Variants in DENND1A observed in about 807,000 individuals in gnomAD.
DENND1A encodes DENN domain-containing protein 1A.
Under a neutral mutation model 113.7 loss-of-function variants are expected in DENND1A, and 51 were observed. That is an observed-to-expected ratio of 0.45 (90% CI 0.36 to 0.57). DENND1A has a LOEUF of 0.57. Among genes scored for constraint, DENND1A ranks in the 20% least tolerant of loss-of-function variants. The pLI, the probability that DENND1A is intolerant of heterozygous loss-of-function variation, is 0.00. For missense variants in DENND1A, 1,258 were observed against 1,395.9 expected (o/e 0.90, Z 1.57); for synonymous variants, 565 against 570.8 (o/e 0.99, Z 0.14).
intron 12 of DENND1A, among the ~76,000 whole-genome samples, chr9:123,574,190 TTGTTTG>T (rs2058511326): frequency 6.7e-6 from 1 of 148,796 alleles, no homozygotes; most frequent in African/African-American, 2.4e-5. Flanking sequence ...TTTTTTTTTT[TTGTTTG>T]TAAATTATTT....
At chr9:123,708,142 CA>C (rs763684382) in intron 5 of DENND1A, among the ~76,000 whole-genome samples, 4 of 148,624 alleles carry the variant, frequency 2.7e-5, no homozygotes, top group South Asian at 4.3e-4. Flanking sequence ...ATAGCAAAAA[CA>C]AAAAAAAAGA....
chr9:123,466,221 T>G (rs1300875283), intron 13 of DENND1A, among the ~76,000 whole-genome samples: 2 of 151,706 alleles, frequency 1.3e-5, no homozygotes, highest in South Asian at 4.2e-4. Flanking sequence ...ATGGTCTCCA[T>G]CTCCTAACCT....
chr9:123,458,434 A>G (rs1326833932), intron 13 of DENND1A, among the ~76,000 whole-genome samples: 1 of 152,124 alleles, frequency 6.6e-6, no homozygotes, highest in Non-Finnish European at 1.5e-5. Context: ...CAAGAAATTC[A>G]TTTTCTTTTA....
At chr9:123,439,338 G>C (rs1004555716) in intron 19 of DENND1A, among the ~76,000 whole-genome samples, 1 of 152,226 alleles carries the variant, frequency 6.6e-6, no homozygotes, top group East Asian at 1.9e-4. Context: ...ATATTGATTA[G>C]AGAAGAGTGA....
chr9:123,567,930 C>T (rs1203463514), intron 12 of DENND1A, among the ~76,000 whole-genome samples: 1 of 152,210 alleles, frequency 6.6e-6, no homozygotes, highest in African/African-American at 2.4e-5. Context: ...CAGTAGGTTG[C>T]TTGGGGCACT....
At chr9:123,701,639 C>T (rs1038309842) in intron 5 of DENND1A, among the ~76,000 whole-genome samples, 2 of 152,180 alleles carry the variant, frequency 1.3e-5, no homozygotes, top group Non-Finnish European at 2.9e-5. Context: ...CTACAGTGGC[C>T]TTAGGCTATG....
chr9:123,775,464 T>C (rs1830326664), intron 3 of DENND1A, among the ~76,000 whole-genome samples: 1 of 151,976 alleles, frequency 6.6e-6, no homozygotes, highest in African/African-American at 2.4e-5. Context: ...ACAGTAAAAC[T>C]GCAAACATGA....
intron 11 of DENND1A, among the ~76,000 whole-genome samples, chr9:123,601,001 C>G (rs1000690654): frequency 2.6e-5 from 4 of 152,194 alleles, no homozygotes; most frequent in African/African-American, 9.7e-5. Flanking sequence ...TCAGGCTTCT[C>G]TTGGTAACAA....
intron 11 of DENND1A, among the ~76,000 whole-genome samples, chr9:123,609,014 C>T (rs944930646): frequency 1.3e-5 from 2 of 152,180 alleles, no homozygotes; most frequent in Non-Finnish European, 2.9e-5. Flanking sequence ...ATGGTTCAAT[C>T]TGGAATAATG....
intron 3 of DENND1A, among the ~76,000 whole-genome samples, chr9:123,785,509 T>A (rs903274302): frequency 1.3e-5 from 2 of 152,146 alleles, no homozygotes; most frequent in Admixed American, 6.5e-5. Flanking sequence ...TACCTATCTA[T>A]GAACCTATAC....
chr9:123,593,982 G>A (rs1351725079), intron 11 of DENND1A, among the ~76,000 whole-genome samples: 1 of 152,120 alleles, frequency 6.6e-6, no homozygotes, highest in Non-Finnish European at 1.5e-5. Flanking sequence ...TGGCCATGTG[G>A]GATGTGCCAG....
chr9:123,694,252 C>T (rs930294041), intron 5 of DENND1A, among the ~76,000 whole-genome samples: 1 of 152,128 alleles, frequency 6.6e-6, no homozygotes, highest in African/African-American at 2.4e-5. Flanking sequence ...CAAGCTCTCT[C>T]CTAGCTAAGA....
intron 13 of DENND1A, among the ~76,000 whole-genome samples, chr9:123,526,888 G>A (rs1172704100): frequency 3.3e-5 from 5 of 151,990 alleles, no homozygotes; most frequent in African/African-American, 7.3e-5. Context: ...ACTCAAATCC[G>A]TATCTTCATC....
chr9:123,543,373 T>A (rs763291402), intron 13 of DENND1A, among the ~76,000 whole-genome samples: 1 of 152,262 alleles, frequency 6.6e-6, no homozygotes, highest in Non-Finnish European at 1.5e-5. Flanking sequence ...ACATTGTTAA[T>A]GTATTTAAAA....
intron 2 of DENND1A, among the ~76,000 whole-genome samples, chr9:123,832,291 G>A (rs1438530266): frequency 6.6e-6 from 1 of 152,098 alleles, no homozygotes; most frequent in Non-Finnish European, 1.5e-5. Flanking sequence ...AACTTCATGG[G>A]TAATCAGGAA....
chr9:123,401,722 C>A, intron 21 of DENND1A: 1 of 1,596,556 alleles, frequency 6.3e-7, no homozygotes, highest in Non-Finnish European at 8.6e-7. Context: ...AGGTGATAAG[C>A]AGGAAAATGG....
In DENND1A at chr9:123,381,524, T is replaced by G; in HGVS notation, c.3121A>C (p.Lys1041Gln). ...ARDPFEDLLQ[K>Q]TKQDVSPSPA... is the part of the protein sequence containing the mutation. The stretch of plus-strand genomic sequence containing the variant: ...CTCGGGCTCACGTCTTGCTTGGTTT[T>G]CTGTAACAAATCCTCAAAGGGGTCT... Residue 1041 changes from lysine (K) to glutamine (Q), a missense_variant, in exon 24 of 24, where the codon AAA (lysine) becomes CAA (glutamine). Physicochemically the swap from Lys to Gln is moderately conservative, Grantham distance 53. Coordinates refer to ENST00000394215, the MANE Select transcript of DENND1A (RefSeq NM_001352964.2). This position sits in a 1 kb window ranked among gnomAD's most constrained non-coding sequence, Gnocchi z 4.7. The G allele has an allele frequency of 6.2e-7, 1 of 1,613,646 alleles. No individual in the cohort carries two copies. The highest frequency in any genetic ancestry group is 2.2e-5 in the East Asian group (1 of 44,826).
At position 123,457,865 on chromosome 9, in the gene DENND1A, G is replaced by A. The variant is rs770150522; in HGVS notation, c.1026C>T (p.Phe342=). 4.3e-6 allele frequency: 7 copies of A among 1,612,580 alleles called. No individual in the cohort carries two copies. The highest frequency in any genetic ancestry group is 1.3e-5 in the African/African-American group (1 of 74,994). The change falls in exon 14 of 24, where the codon TTC becomes TTT. Residue 342 remains phenylalanine, a synonymous_variant. Coordinates refer to ENST00000394215, the MANE Select transcript of DENND1A (RefSeq NM_001352964.2). ...TGGCTCCGGAGCGGTAGTGGGACAC[G>A]AAGGCTTCCTCACAGAAAGTGATCG... is the stretch of plus-strand genomic sequence containing the variant. ...EEPITFCEEA[F]VSHYRSGAMR...
At position 123,413,365 on chromosome 9, in the gene DENND1A, G is replaced by C. The variant is rs80023127; in HGVS notation, c.1489-1536C>G. 2,303 of 956,288 alleles carry C rather than the reference G, an allele frequency of 2.4e-3. 40 individuals are homozygous for C. The African/African-American group carries it at 0.037, about 15-fold the overall frequency. The allele number at this position is 956,288 out of a possible 1,614,324, so 59.2% of individuals were successfully genotyped here. A position where few individuals can be genotyped will look rare whatever the true frequency, so the allele number is the denominator to read the frequency against. On this transcript the variant is annotated intron_variant, in intron 19 of 23. Coordinates refer to ENST00000394215, the MANE Select transcript of DENND1A (RefSeq NM_001352964.2). The stretch of plus-strand genomic sequence containing the variant: ...TTCACCTGTTTATGTTTCACATTCA[G>C]AATTCCACATGTGACTCCCGTATGA...
Sources: gnomAD v4.1 joint callset for allele counts (sites outside exome capture counted in the v4.1 genomes callset) on GRCh38, gnomAD v4.1.1 for gene constraint, Gnocchi (gnomAD v3.1) non-coding constraint, MANE v1.5 for transcripts, NCBI Gene and HGNC (gene_info 2026-07-23, HGNC 2026-07-21) for gene names.